YPEL5: variants seen among roughly 807,000 people sequenced by gnomAD.
The protein encoded by YPEL5 is yippee like 5.
A neutral mutation model predicts 10.5 loss-of-function variants in YPEL5; 1 was observed. The ratio of observed to expected loss-of-function variants is 0.10; its 90% CI spans 0.03 to 0.45. The LOEUF (loss-of-function observed/expected upper bound fraction) is 0.45, where lower values mean the gene tolerates loss of function less well. Among genes scored for constraint, YPEL5 ranks in the 20% least tolerant of loss-of-function variants. The pLI, the probability that YPEL5 is intolerant of heterozygous loss-of-function variation, is 0.97. For synonymous variants in YPEL5, 61 were observed against 56.6 expected (o/e 1.08, Z -0.35); for missense variants, 68 against 159.3 (o/e 0.43, Z 3.09).
At chr2:30,153,813 AT>A (rs543184090) in intron 1 of YPEL5, among the ~76,000 whole-genome samples, 2 of 152,224 alleles carry the variant, frequency 1.3e-5, no homozygotes, top group Non-Finnish European at 2.9e-5. Flanking sequence ...TTGCTCAGAT[AT>A]TTTTGGTCTT....
intron 1 of YPEL5, chr2:30,155,720 T>A (rs1258363405): frequency 6.6e-6 from 1 of 152,252 alleles, no homozygotes; most frequent in Non-Finnish European, 1.5e-5. Context: ...TTCAGACATA[T>A]GTTTCAAACT....
chr2:30,154,202 A>T (rs774295526), intron 1 of YPEL5, among the ~76,000 whole-genome samples: 1 of 152,254 alleles, frequency 6.6e-6, no homozygotes, highest in Non-Finnish European at 1.5e-5. Context: ...CTTCAAAGAC[A>T]TACAGAATCT....
intron 2 of YPEL5, 98 bp from the exon 3 acceptor site, chr2:30,158,521 T>G: frequency 8.7e-7 from 1 of 1,150,350 alleles, no homozygotes; most frequent in Non-Finnish European, 1.3e-6. Flanking sequence ...TTCTTTCTCC[T>G]TTTCTGAAGT....
chr2:30,156,594 A>T (rs1054894386), intron 1 of YPEL5, 34 bp from the exon 2 acceptor site: 84 of 1,551,254 alleles, frequency 5.4e-5, no homozygotes, highest in Non-Finnish European at 7.2e-5. Flanking sequence ...TGATTATTAT[A>T]ATGCATTTGT....
chr2:30,157,688 G>C (rs1295119368), intron 2 of YPEL5, among the ~76,000 whole-genome samples: 1 of 152,170 alleles, frequency 6.6e-6, no homozygotes, highest in Non-Finnish European at 1.5e-5. Flanking sequence ...AAGTATTTTA[G>C]GCTAAGGAAC....
intron 1 of YPEL5, among the ~76,000 whole-genome samples, chr2:30,150,816 A>G (rs1675749498): frequency 6.6e-6 from 1 of 152,336 alleles, no homozygotes; most frequent in Non-Finnish European, 1.5e-5. Context: ...CAGGTAAAAA[A>G]TATTTTAAAC....
chr2:30,156,686 C>T lies in YPEL5; in HGVS notation c.35C>T (p.Thr12Ile). The T allele has an allele frequency of 6.2e-7, 1 of 1,614,062 alleles. No homozygotes were observed. The highest frequency in any genetic ancestry group is 8.5e-7 in the Non-Finnish European group (1 of 1,180,002). The change falls in exon 2 of 3, where the codon ACC becomes ATC. Residue 12 changes from threonine to isoleucine, a missense_variant. Physicochemically the swap from Thr to Ile is moderately conservative, Grantham distance 89. Transcript: ENST00000261353. Reference protein sequence around the residue: ...GRIFLDHIGGTRLFSCANCDT... With the variant: ...GRIFLDHIGGIRLFSCANCDT... ...ATTTTCCTTGATCATATCGGTGGTA[C>T]CCGTCTGTTTTCTTGTGCAAACTGT...
chr2:30,155,458 G>A (rs1676001265), intron 1 of YPEL5, among the ~76,000 whole-genome samples: 1 of 152,070 alleles, frequency 6.6e-6, no homozygotes, highest in South Asian at 2.1e-4. Flanking sequence ...CATGCATTCT[G>A]GATTTTTTTT....
chr2:30,158,513 C>T (rs1399484176), intron 2 of YPEL5, 106 bp from the exon 3 acceptor site: 6 of 1,068,362 alleles, frequency 5.6e-6, no homozygotes, highest in East Asian at 2.5e-5. Context: ...CTAACAAGTT[C>T]TTTCTCCTTT....
At chr2:30,147,377 C>G (rs1423129384) in intron 1 of YPEL5, 4 of 148,264 alleles carry the variant, frequency 2.7e-5, no homozygotes, top group Non-Finnish European at 4.5e-5. Context: ...CCCCTCCGCG[C>G]GGCGCCCGCG....
intron 2 of YPEL5, among the ~76,000 whole-genome samples, 160 bp from the exon 3 acceptor site, chr2:30,158,459 C>T (rs1676139315): frequency 2.0e-5 from 3 of 152,250 alleles, no homozygotes; most frequent in East Asian, 3.8e-4. Context: ...CCTGCCCCAG[C>T]AGCTTCTAAT....
Position 30,156,723 on chromosome 2 carries a change from G to C in YPEL5, c.72G>C (p.Leu24=), listed in dbSNP as rs1209933470. The part of the protein sequence containing the change: ...LFSCANCDTI[L]TNRSELISTR... Reference sequence around the variant, plus strand: ...CTTGTGCAAACTGTGATACGATCCTGACCAACCGCTCAGAACTCATCTCCA... The same window carrying C: ...CTTGTGCAAACTGTGATACGATCCTCACCAACCGCTCAGAACTCATCTCCA... Residue 24 remains leucine, a synonymous_variant, in exon 2 of 3, where the codon CTG becomes CTC. Coordinates refer to ENST00000261353, the MANE Select transcript of YPEL5 (RefSeq NM_016061.3). The C allele has an allele frequency of 6.2e-7, 1 of 1,614,128 alleles. No individual in the cohort carries two copies. The highest frequency in any genetic ancestry group is 1.1e-5 in the South Asian group (1 of 91,074).
At chr2:30,147,473 C>G (rs1360835035) in intron 1 of YPEL5, 1 of 149,582 alleles carries the variant, frequency 6.7e-6, no homozygotes, top group Non-Finnish European at 1.5e-5. Flanking sequence ...GGCCGCGACC[C>G]CCAACCCGCC....
intron 1 of YPEL5, among the ~76,000 whole-genome samples, chr2:30,148,896 C>G (rs79455796): frequency 1.3e-4 from 20 of 152,308 alleles, no homozygotes; most frequent in Non-Finnish European, 2.6e-4. Context: ...AAATATCATT[C>G]TAGGTTTAAT....
chr2:30,152,696 T>A (rs1288421644), intron 1 of YPEL5, among the ~76,000 whole-genome samples: 1 of 152,146 alleles, frequency 6.6e-6, no homozygotes, highest in Non-Finnish European at 1.5e-5. Context: ...TCTATAAAAG[T>A]GAGGTGATAA....
chr2:30,156,183 C>T (rs996097419), intron 1 of YPEL5, among the ~76,000 whole-genome samples: 13 of 152,172 alleles, frequency 8.5e-5, no homozygotes, highest in Admixed American at 3.9e-4. Context: ...TTTCTAATTG[C>T]CCCTTTATCT....
chr2:30,156,849 C>T, intron 2 of YPEL5, 57 bp downstream of exon 2: 2 of 1,582,360 alleles, frequency 1.3e-6, no homozygotes, highest in Non-Finnish European at 1.7e-6. Flanking sequence ...TTGACAGCAA[C>T]ACCAGAATAC....
At chr2:30,147,231 C>A (rs1335653794) in intron 1 of YPEL5, among the ~76,000 whole-genome samples, 169 bp downstream of exon 1, 3 of 151,944 alleles carry the variant, frequency 2.0e-5, no homozygotes, top group African/African-American at 7.2e-5. Context: ...CGCCCCAGAT[C>A]CTTCAGGGTG....
chr2:30,154,065 C>T (rs1675931894), intron 1 of YPEL5, among the ~76,000 whole-genome samples: 1 of 152,208 alleles, frequency 6.6e-6, no homozygotes, highest in Non-Finnish European at 1.5e-5. Context: ...GGTAGTTACT[C>T]TCCCATTACG....
Sources: gnomAD v4.1 joint callset for allele counts (sites outside exome capture counted in the v4.1 genomes callset) on GRCh38, gnomAD v4.1.1 for gene constraint, MANE v1.5 for transcripts, NCBI Gene and HGNC (gene_info 2026-07-23, HGNC 2026-07-21) for gene names.